Variants in ARNT2 observed in about 807,000 individuals in gnomAD.
ARNT2 encodes ARNT protein 2.
ARNT2 carries 36 observed loss-of-function variants against 91.7 expected under a neutral mutation model. The ratio of observed to expected loss-of-function variants is 0.39; its 90% CI spans 0.30 to 0.52. The LOEUF (loss-of-function observed/expected upper bound fraction) is 0.52. ARNT2 is among the 20% of genes least tolerant of loss of function. The pLI is 0.72. For synonymous variants in ARNT2, 365 were observed against 347.1 expected (o/e 1.05, Z -0.57); for missense variants, 775 against 939.3 (o/e 0.83, Z 2.29).
chr15:80,421,333 G>A lies in ARNT2; in HGVS notation c.31+16787G>A, dbSNP rs540671525. Among the ~76,000 whole-genome samples, 35 of 147,482 alleles carry A rather than the reference G, an allele frequency of 2.4e-4. No homozygotes were observed. The South Asian group carries it at 7.1e-3, about 30-fold the overall frequency. ...TGGGCAACAAGTACACTAAAATTTC[G>A]GCCTTCACTATACAATTCATCCATG... is the stretch of plus-strand genomic sequence containing the variant. On this transcript the variant is annotated intron_variant, in intron 1 of 18. Transcript: ENST00000303329.
At chr15:80,488,248 GT>G (rs1048202997) in intron 5 of ARNT2, among the ~76,000 whole-genome samples, 21 of 152,260 alleles carry the variant, frequency 1.4e-4, no homozygotes, top group African/African-American at 4.8e-4. Flanking sequence ...CTCTTCAGTG[GT>G]TCAACATACA....
At chr15:80,577,633 C>G (rs1312574651) in intron 15 of ARNT2, among the ~76,000 whole-genome samples, 1 of 152,210 alleles carries the variant, frequency 6.6e-6, no homozygotes, top group East Asian at 1.9e-4. Flanking sequence ...TTCCTCATGC[C>G]CAGCAGGGCA....
intron 1 of ARNT2, among the ~76,000 whole-genome samples, chr15:80,405,577 C>T (rs1218454336): frequency 6.6e-6 from 1 of 152,130 alleles, no homozygotes; most frequent in African/African-American, 2.4e-5. Context: ...TCATCTAAGG[C>T]GGCCAGGGAA....
chr15:80,499,403 C>G (rs1028461922), intron 5 of ARNT2, among the ~76,000 whole-genome samples: 3 of 152,246 alleles, frequency 2.0e-5, no homozygotes, highest in African/African-American at 7.2e-5. Context: ...TGTCCTTCCT[C>G]TTCTGTCAAA....
rs149536334 is a variant in ARNT2, at chr15:80,514,095, C to T, written c.791+119C>T. 76 of 1,085,186 alleles carry T rather than the reference C, an allele frequency of 7.0e-5. 3 individuals are homozygous for T. The highest frequency in any genetic ancestry group is 4.0e-4 in the Middle Eastern group (2 of 4,982). The allele number at this position is 1,085,186 out of a possible 1,614,324, so 67.2% of individuals were successfully genotyped here. A position where few individuals can be genotyped will look rare whatever the true frequency, so the allele number is the denominator to read the frequency against. On this transcript the variant is annotated intron_variant, in intron 7 of 18. Coordinates refer to ENST00000303329, the MANE Select transcript of ARNT2 (RefSeq NM_014862.4). ...TGTGGTGAGGACCAAGAGAACCAGA[C>T]ATCAGGGTGGCAGTGGCAGAGATGA...
intron 6 of ARNT2, among the ~76,000 whole-genome samples, chr15:80,509,127 T>C (rs1897310170): frequency 6.6e-6 from 1 of 152,134 alleles, no homozygotes. Flanking sequence ...CTCTTCAAGG[T>C]GCCCGGGAGT....
rs115339580 is a variant in ARNT2, at chr15:80,505,232, G to T, written c.623-2924G>T. ...CTGAGTGACTGGCGTCACATAAATG[G>T]TAGAGCCATAATCGTTTTTGTGTTT... On this transcript the variant is annotated intron_variant, in intron 5 of 18. Transcript: ENST00000303329. Among the ~76,000 whole-genome samples the T allele has an allele frequency of 1.7e-3, 264 of 152,304 alleles. 1 individual carries two copies. The highest frequency in any genetic ancestry group is 6.1e-3 in the African/African-American group (253 of 41,556).
intron 7 of ARNT2, 95 bp from the exon 8 acceptor site, chr15:80,514,225 C>A: frequency 1.5e-6 from 2 of 1,314,570 alleles, no homozygotes; most frequent in Non-Finnish European, 1.1e-6. Flanking sequence ...CAAAGGCAGA[C>A]AAGGGAACCC....
chr15:80,456,839 C>T (rs1233588643), intron 2 of ARNT2, among the ~76,000 whole-genome samples: 1 of 152,218 alleles, frequency 6.6e-6, no homozygotes, highest in Non-Finnish European at 1.5e-5. Context: ...CATTCTGATA[C>T]TGAGCTGTTC....
At chr15:80,581,738 C>G (rs1898800821) in intron 17 of ARNT2, among the ~76,000 whole-genome samples, 1 of 152,200 alleles carries the variant, frequency 6.6e-6, no homozygotes, top group African/African-American at 2.4e-5. Context: ...AGTCTTGTTT[C>G]AAGAAACTAG....
chr15:80,565,874 G>GT (rs35650834), intron 12 of ARNT2, among the ~76,000 whole-genome samples: 67,454 of 151,694 alleles, frequency 0.44, 15,496 homozygotes, highest in Non-Finnish European at 0.5. Context: ...GTGTTTGTTT[G>GT]TTTTTTCTGT....
At chr15:80,556,989 C>T (rs1898202624) in intron 11 of ARNT2, 1 of 152,178 alleles carries the variant, frequency 6.6e-6, no homozygotes, top group African/African-American at 2.4e-5. Flanking sequence ...CCTTGAGTTA[C>T]TTTTCAAGAG....
rs750637347 is a variant in ARNT2 at position 80,574,216 on chromosome 15, C to G, written c.1385C>G (p.Ser462Cys). The stretch of plus-strand genomic sequence containing the variant: ...GATGGATTGTCATCGTATGACTTAT[C>G]CCAGGTGAGTTTCTGGAAAACCCTT... Reference protein sequence around the residue: ...QRDGLSSYDLSQVPVPNLPAG... With the variant: ...QRDGLSSYDLCQVPVPNLPAG... Residue 462 changes from serine (S) to cysteine (C), a missense_variant, in exon 13 of 19, where the codon TCC (serine) becomes TGC (cysteine). This residue lies in a region of ARNT2 where 325 missense variants were observed against 359.9 expected (regional missense o/e 0.90). Coordinates refer to ENST00000303329, the MANE Select transcript of ARNT2 (RefSeq NM_014862.4). 31 of 1,613,930 alleles carry G rather than the reference C, an allele frequency of 1.9e-5. No individual in the cohort carries two copies. Among genetic ancestry groups the G allele is most frequent in the Non-Finnish European group, 2.5e-5 (29 of 1,179,926 alleles).
Position 80,529,303 on chromosome 15 carries a change from G to A in ARNT2, c.877+14898G>A, listed in dbSNP as rs569444973. The stretch of plus-strand genomic sequence containing the variant: ...GTTGTAAGTTTTGGAGGGACGGGTA[G>A]TTACTCAAGTGGTATCACTTCACTC... On this transcript the variant is annotated intron_variant, in intron 8 of 18. Transcript: ENST00000303329. 2.0e-5 allele frequency among the ~76,000 whole-genome samples: 3 copies of A among 152,288 alleles called. No individual in the cohort carries two copies. The South Asian group carries it at 6.2e-4, about 32-fold the overall frequency.
At chr15:80,508,038 G>A in intron 5 of ARNT2, 118 bp from the exon 6 acceptor site, 1 of 880,840 alleles carries the variant, frequency 1.1e-6, no homozygotes, top group Non-Finnish European at 1.8e-6. Flanking sequence ...CAAACAATTT[G>A]CACAGCCACA....
At chr15:80,407,739 T>C (rs1895620836) in intron 1 of ARNT2, among the ~76,000 whole-genome samples, 1 of 152,184 alleles carries the variant, frequency 6.6e-6, no homozygotes, top group Non-Finnish European at 1.5e-5. Flanking sequence ...GTTGTTTTGC[T>C]GCCTTTTTGA....
At chr15:80,508,010 G>C in intron 5 of ARNT2, 146 bp from the exon 6 acceptor site, 1 of 691,836 alleles carries the variant, frequency 1.4e-6, no homozygotes, top group South Asian at 1.8e-5. Context: ...GCCAAAGAAT[G>C]TTGGGAATTC....
At chr15:80,577,077 C>T (rs538594546) in intron 15 of ARNT2, 112 bp downstream of exon 15, 6 of 1,060,814 alleles carry the variant, frequency 5.7e-6, no homozygotes, top group Non-Finnish European at 7.1e-6. Flanking sequence ...TGGTTACTGG[C>T]GCTCAGGCCT....
rs1898401895 is a variant in ARNT2 at position 80,563,167 on chromosome 15, C to G, written c.1244C>G (p.Thr415Ser). ...AACCGGGAGTGGATGTTGATCCGCA[C>G]CAGCAGCTTCACATTCCAGAATCCC... ...TKNREWMLIRTSSFTFQNPYS... is the reference protein window; with the variant it reads ...TKNREWMLIRSSSFTFQNPYS... The change falls in exon 12 of 19, where the codon ACC becomes AGC. Residue 415 changes from threonine to serine, a missense_variant. By Grantham distance (58) the Thr-to-Ser change is moderately conservative. Transcript: ENST00000303329. The G allele has an allele frequency of 6.2e-7, 1 of 1,614,164 alleles. No individual in the cohort carries two copies. The highest frequency in any genetic ancestry group is 8.5e-7 in the Non-Finnish European group (1 of 1,180,024).
Sources: gnomAD v4.1 joint callset for allele counts (sites outside exome capture counted in the v4.1 genomes callset) on GRCh38, gnomAD v4.1.1 for gene constraint, gnomAD v4.1.1 regional missense constraint, MANE v1.5 for transcripts, NCBI Gene and HGNC (gene_info 2026-07-23, HGNC 2026-07-21) for gene names.